MECOM: variants seen among roughly 807,000 people sequenced by gnomAD.
MECOM encodes MDS1 and EVI1 complex locus.
A neutral mutation model predicts 116.3 loss-of-function variants in MECOM; 13 were observed. That is an observed-to-expected ratio of 0.11 (90% CI 0.07 to 0.18). The LOEUF is 0.18. Ranked by LOEUF, MECOM falls within the 10% of genes least tolerant of loss-of-function variation. The pLI, the probability that MECOM is intolerant of heterozygous loss-of-function variation, is 1.00. For synonymous variants in MECOM, 528 were observed against 535.2 expected (o/e 0.99, Z 0.19); for missense variants, 1,299 against 1,509.0 (o/e 0.86, Z 2.31).
chr3:169,655,374 C>A (rs1775418936), intron 1 of MECOM, among the ~76,000 whole-genome samples: 2 of 152,192 alleles, frequency 1.3e-5, no homozygotes, highest in East Asian at 1.9e-4. Flanking sequence ...TAAAGAGGAG[C>A]AACCCAGCTG....
At chr3:169,450,128 T>G (rs1745309225) in intron 1 of MECOM, among the ~76,000 whole-genome samples, 1 of 152,124 alleles carries the variant, frequency 6.6e-6, no homozygotes, top group Non-Finnish European at 1.5e-5. Context: ...TTTAAAGAAA[T>G]TTTTTCTGGT....
At chr3:169,655,116 G>A (rs1013535767) in intron 1 of MECOM, among the ~76,000 whole-genome samples, 1 of 152,070 alleles carries the variant, frequency 6.6e-6, no homozygotes, top group African/African-American at 2.4e-5. Flanking sequence ...AAGACCTGGC[G>A]GCCCTGAACC....
At chr3:169,227,530 A>C (rs1380631840) in intron 2 of MECOM, among the ~76,000 whole-genome samples, 1 of 152,036 alleles carries the variant, frequency 6.6e-6, no homozygotes, top group Non-Finnish European at 1.5e-5. Flanking sequence ...TATCAGTGGG[A>C]TTTGTTTTCT....
chr3:169,161,297 T>C (rs1254542874), intron 2 of MECOM, among the ~76,000 whole-genome samples: 1 of 152,160 alleles, frequency 6.6e-6, no homozygotes, highest in African/African-American at 2.4e-5. Context: ...CTAATATAAG[T>C]GCTGGCAATG....
At chr3:169,544,154 T>C (rs951265533) in intron 1 of MECOM, among the ~76,000 whole-genome samples, 1 of 152,186 alleles carries the variant, frequency 6.6e-6, no homozygotes, top group African/African-American at 2.4e-5. Context: ...TGTACATAGT[T>C]TGACTATTTT....
chr3:169,363,425 C>T (rs1318409286), intron 2 of MECOM, among the ~76,000 whole-genome samples: 1 of 151,928 alleles, frequency 6.6e-6, no homozygotes, highest in African/African-American at 2.4e-5. Context: ...ACAATTATTC[C>T]TTTCCCTTTA....
chr3:169,149,077 C>CTTTTTTT (rs60870748), intron 2 of MECOM, among the ~76,000 whole-genome samples: 5 of 115,114 alleles, frequency 4.3e-5, no homozygotes, highest in African/African-American at 6.2e-5. Context: ...TCGGAGCTTT[C>CTTTTTTT]TTTTTTTTTT....
chr3:169,231,800 T>C (rs1214161082), intron 2 of MECOM, among the ~76,000 whole-genome samples: 1 of 152,148 alleles, frequency 6.6e-6, no homozygotes, highest in Admixed American at 6.6e-5. Flanking sequence ...GAATATTATT[T>C]CTTAAAGCAA....
chr3:169,257,220 T>A (rs1310749984), intron 2 of MECOM, among the ~76,000 whole-genome samples: 1 of 152,244 alleles, frequency 6.6e-6, no homozygotes, highest in Non-Finnish European at 1.5e-5. Flanking sequence ...CAAATATACA[T>A]TATAAGCACC....
intron 1 of MECOM, among the ~76,000 whole-genome samples, chr3:169,657,037 T>TA (rs896125261): frequency 1.1e-4 from 16 of 152,240 alleles, no homozygotes; most frequent in Admixed American, 6.5e-4. Context: ...CATACACAGA[T>TA]AAAAAATGCC....
chr3:169,467,173 C>T (rs1251832251), intron 1 of MECOM: 1 of 152,082 alleles, frequency 6.6e-6, no homozygotes, highest in Non-Finnish European at 1.5e-5. Flanking sequence ...GTTTGGCAGC[C>T]TCCATAATTA....
chr3:169,140,020 G>A (rs1737627367), intron 3 of MECOM, among the ~76,000 whole-genome samples: 1 of 150,560 alleles, frequency 6.6e-6, no homozygotes, highest in Non-Finnish European at 1.5e-5. Context: ...TAAACACATA[G>A]GTGCTTCTGT....
chr3:169,207,905 C>T (rs143810270), intron 2 of MECOM, among the ~76,000 whole-genome samples: 10 of 152,220 alleles, frequency 6.6e-5, no homozygotes, highest in East Asian at 1.9e-4. Context: ...ACCACGCTGA[C>T]GATGTGAATG....
intron 3 of MECOM, among the ~76,000 whole-genome samples, chr3:169,139,977 A>T (rs1560256788): frequency 2.6e-5 from 4 of 151,874 alleles, no homozygotes; most frequent in Admixed American, 1.3e-4. Flanking sequence ...AAAAAAAACA[A>T]TATATCATGT....
intron 1 of MECOM, among the ~76,000 whole-genome samples, chr3:169,600,990 T>G (rs946374191): frequency 3.3e-5 from 5 of 152,200 alleles, no homozygotes; most frequent in South Asian, 2.1e-4. Context: ...GAATATGCAA[T>G]CAAACTTCAA....
At chr3:169,245,193 G>C (rs1022044713) in intron 2 of MECOM, among the ~76,000 whole-genome samples, 2 of 152,022 alleles carry the variant, frequency 1.3e-5, no homozygotes, top group African/African-American at 4.8e-5. Context: ...AGTATTTGTT[G>C]TTATCATTAT....
At chr3:169,283,537 A>G (rs1712619505) in intron 2 of MECOM, among the ~76,000 whole-genome samples, 1 of 152,186 alleles carries the variant, frequency 6.6e-6, no homozygotes. Flanking sequence ...ATGATAAAGA[A>G]TGTACCTCCC....
intron 2 of MECOM, among the ~76,000 whole-genome samples, chr3:169,227,568 A>G (rs897205338): frequency 1.3e-5 from 2 of 152,192 alleles, no homozygotes; most frequent in Admixed American, 6.5e-5. Context: ...TCTCATGAAC[A>G]GGCTTTGACC....
At chr3:169,419,126 G>A (rs1182787283) in intron 1 of MECOM, among the ~76,000 whole-genome samples, 2 of 152,138 alleles carry the variant, frequency 1.3e-5, no homozygotes, top group African/African-American at 4.8e-5. Context: ...GCCAAATCAT[G>A]AGTGAATGTC....
Sources: gnomAD v4.1 joint callset for allele counts (sites outside exome capture counted in the v4.1 genomes callset) on GRCh38, gnomAD v4.1.1 for gene constraint, MANE v1.5 for transcripts, NCBI Gene and HGNC (gene_info 2026-07-23, HGNC 2026-07-21) for gene names.